The following VEZT variants were observed in gnomAD, a reference collection of about 807,000 sequenced individuals.
VEZT encodes the protein vezatin, adherens junctions transmembrane protein, also known as vezatin.
In VEZT, 39 loss-of-function variants were observed where a neutral mutation model predicts 79.9. That is an observed-to-expected ratio of 0.49 (90% CI 0.38 to 0.64). The LOEUF (loss-of-function observed/expected upper bound fraction) is 0.64. Among genes scored for constraint, VEZT ranks in the 30% least tolerant of loss-of-function variants. VEZT has a pLI of 0.00. For missense variants in VEZT, 837 were observed against 893.1 expected, an observed-to-expected ratio of 0.94 and a Z score of 0.80; for synonymous variants, 325 against 327.6, an observed-to-expected ratio of 0.99 and a Z score of 0.09.
Position 95,232,870 on chromosome 12 carries a change from A to G in VEZT, c.36+14984A>G, listed in dbSNP as rs182321025. 4.4e-4 allele frequency among the ~76,000 whole-genome samples: 67 copies of G among 152,184 alleles called. 2 individuals carry two copies. In the East Asian group the frequency reaches 0.012, roughly 27 times the overall value. ...GCCCAGGCTGGAGTGCAGTGACGCA[A>G]TCTCGGCTCACTGCATCCTCTACTT... On this transcript the variant is annotated intron_variant, in intron 1 of 11. Coordinates refer to ENST00000436874, the MANE Select transcript of VEZT (RefSeq NM_017599.4).
rs1182782436 is a variant in VEZT, at chr12:95,287,864, G to T, written c.1522+7G>T. 1.3e-6 allele frequency: 2 copies of T among 1,578,542 alleles called. No individual in the cohort carries two copies. The highest frequency in any genetic ancestry group is 3.7e-5 in the Admixed American group (2 of 54,626). ...AGAAATACAGATAAAAAAGGTACCT[G>T]TGAGAGATTTCTTTGCCATATGCTT... On this transcript the variant is annotated splice_region_variant and intron_variant, in intron 9 of 11. Coordinates refer to ENST00000436874, the MANE Select transcript of VEZT (RefSeq NM_017599.4).
chr12:95,270,334 T>A, intron 6 of VEZT, 146 bp downstream of exon 6: 2 of 815,946 alleles, frequency 2.5e-6, no homozygotes, highest in Non-Finnish European at 3.7e-6. Flanking sequence ...ATGTTAAAAC[T>A]GGAAATGCAT....
At chr12:95,218,481 C>T (rs1050149421) in intron 1 of VEZT, 26 of 152,156 alleles carry the variant, frequency 1.7e-4, no homozygotes. Context: ...TCTTCTGACT[C>T]GGGGCTCTAG....
chr12:95,301,746 T>C lies in VEZT; in HGVS notation c.*1073T>C, dbSNP rs2075234186. On this transcript the variant is annotated 3_prime_UTR_variant, in exon 12 of 12. Coordinates refer to ENST00000436874, the MANE Select transcript of VEZT (RefSeq NM_017599.4). The stretch of plus-strand genomic sequence containing the variant: ...ACATTATTTGGGGGAAATGTAGTAA[T>C]AACTCAATCTATGTTGCTGTCCTAG... The C allele has an allele frequency of 6.6e-6, 1 of 152,228 alleles. No homozygotes were observed. The highest frequency in any genetic ancestry group is 1.5e-5 in the Non-Finnish European group (1 of 68,026). The allele number at this position is 152,228 out of a possible 1,614,324, so 9.4% of individuals were successfully genotyped here.
At chr12:95,232,555 C>T (rs1001187292) in intron 1 of VEZT, among the ~76,000 whole-genome samples, 1 of 152,092 alleles carries the variant, frequency 6.6e-6, no homozygotes, top group African/African-American at 2.4e-5. Context: ...GCTTTTGTGC[C>T]AATGCTTTGT....
chr12:95,238,994 A>G (rs552364506), intron 1 of VEZT, among the ~76,000 whole-genome samples: 1 of 152,352 alleles, frequency 6.6e-6, no homozygotes, highest in African/African-American at 2.4e-5. Context: ...TCGATGAAGC[A>G]AGTGCAGAGA....
chr12:95,296,586 CAT>C (rs1338931786), intron 11 of VEZT: 1 of 171,974 alleles, frequency 5.8e-6, no homozygotes, highest in Admixed American at 6.3e-5. Flanking sequence ...CTCTGTTGTC[CAT>C]ATGTTAAAAT....
At chr12:95,254,490 G>A (rs952755479) in intron 2 of VEZT, among the ~76,000 whole-genome samples, 1 of 151,616 alleles carries the variant, frequency 6.6e-6, no homozygotes, top group African/African-American at 2.4e-5. Flanking sequence ...GGGATTACAG[G>A]CACAGGCCAC....
At chr12:95,265,745 A>G (rs61541154) in intron 4 of VEZT, among the ~76,000 whole-genome samples, 2,270 of 152,226 alleles carry the variant, frequency 0.015, 59 homozygotes, top group African/African-American at 0.052. Context: ...CAAAATCTTC[A>G]CAGAAGACTT....
chr12:95,298,442 A>G (rs1485247622), intron 11 of VEZT, among the ~76,000 whole-genome samples: 2 of 152,100 alleles, frequency 1.3e-5, no homozygotes, highest in Admixed American at 6.5e-5. Flanking sequence ...GTTGTTTTCT[A>G]TATGTTCAGG....
At chr12:95,298,215 T>G (rs2074582545) in intron 11 of VEZT, among the ~76,000 whole-genome samples, 1 of 152,014 alleles carries the variant, frequency 6.6e-6, no homozygotes, top group South Asian at 2.1e-4. Context: ...TCTACTAGTC[T>G]CTCCTTCTCC....
chr12:95,250,014 GCT>G (rs1396645711), intron 1 of VEZT, among the ~76,000 whole-genome samples: 2 of 145,856 alleles, frequency 1.4e-5, no homozygotes, highest in Non-Finnish European at 3.0e-5. Flanking sequence ...TAACTGTGTT[GCT>G]CTTTTTTTTT....
At chr12:95,277,569 C>A (rs570538028) in intron 7 of VEZT, among the ~76,000 whole-genome samples, 28 of 152,286 alleles carry the variant, frequency 1.8e-4, no homozygotes, top group African/African-American at 6.7e-4. Flanking sequence ...CCTAACCTTG[C>A]TTTATTCTTT....
chr12:95,292,721 G>A (rs998475628), intron 9 of VEZT, among the ~76,000 whole-genome samples: 3 of 150,960 alleles, frequency 2.0e-5, no homozygotes, highest in Non-Finnish European at 4.4e-5. Flanking sequence ...GCTAATTTTT[G>A]TGTTTTTATT....
intron 9 of VEZT, among the ~76,000 whole-genome samples, chr12:95,288,239 TACTTA>T (rs2139542802): frequency 6.6e-6 from 1 of 152,260 alleles, no homozygotes; most frequent in African/African-American, 2.4e-5. Context: ...TAAGATAAAA[TACTTA>T]ACTTTAGTCA....
chr12:95,292,931 A>G (rs530016586), intron 9 of VEZT, among the ~76,000 whole-genome samples: 1 of 148,174 alleles, frequency 6.7e-6, no homozygotes, highest in African/African-American at 2.5e-5. Flanking sequence ...GCTCACTGCA[A>G]CCTCCATCTC....
At chr12:95,282,705 A>G in intron 8 of VEZT, 61 bp downstream of exon 8, 2 of 1,422,500 alleles carry the variant, frequency 1.4e-6, no homozygotes, top group Non-Finnish European at 9.5e-7. Flanking sequence ...TTCGTGTACC[A>G]TTGTGGTTGT....
At chr12:95,258,761 C>T (rs2063872899) in intron 3 of VEZT, among the ~76,000 whole-genome samples, 1 of 152,122 alleles carries the variant, frequency 6.6e-6, no homozygotes, top group Non-Finnish European at 1.5e-5. Context: ...TTATAAAGTG[C>T]TTTCACACGT....
chr12:95,282,455 GTCTACCTCATGC>G lies in VEZT; in HGVS notation c.1142_1153del (p.Leu381_Ala384del), dbSNP rs1267564086. The G allele has an allele frequency of 1.2e-5, 20 of 1,613,782 alleles. No homozygotes were observed. In the East Asian group the frequency reaches 1.3e-4, roughly 11 times the overall value. Reference sequence around the variant, plus strand: ...CGTATCTTATCTGATGTGACTCAAGGTCTACCTCATGCTCATTCTGCCTGTTTGGAAGAGCTT... The same window carrying G: ...CGTATCTTATCTGATGTGACTCAAGGTCATTCTGCCTGTTTGGAAGAGCTT... On this transcript the variant is annotated inframe_deletion, in exon 8 of 12. Coordinates refer to ENST00000436874, the MANE Select transcript of VEZT (RefSeq NM_017599.4).
Sources: allele counts gnomAD v4.1 joint callset (sites outside exome capture counted in the v4.1 genomes callset), GRCh38; gene constraint gnomAD v4.1.1; transcripts MANE v1.5; gene names NCBI Gene and HGNC (gene_info 2026-07-23, HGNC 2026-07-21).